Variants in VWF observed in about 807,000 individuals in gnomAD.
VWF encodes the protein Factor VIII related antigen.
Under a neutral mutation model 308.6 loss-of-function variants are expected in VWF, and 176 were observed. The observed-to-expected ratio is 0.57, with a 90% CI of 0.50 to 0.65. VWF has a LOEUF of 0.65. Among genes scored for constraint, VWF ranks in the 30% least tolerant of loss-of-function variants. The pLI, the probability that VWF is intolerant of heterozygous loss-of-function variation, is 0.00. For synonymous variants in VWF, 1,385 were observed against 1,443.4 expected (o/e 0.96, Z 0.92); for missense variants, 3,146 against 3,648.2 (o/e 0.86, Z 3.55).
At chr12:6,036,262 A>G in intron 19 of VWF, 126 bp downstream of exon 19, 1 of 783,120 alleles carries the variant, frequency 1.3e-6, no homozygotes, top group South Asian at 1.4e-5. Flanking sequence ...GGCACGGAGG[A>G]AAGGCAGAGA....
At chr12:6,012,283 C>CG (rs1944005736) in intron 32 of VWF, among the ~76,000 whole-genome samples, 153 bp from the exon 33 acceptor site, 1 of 152,258 alleles carries the variant, frequency 6.6e-6, no homozygotes, top group Non-Finnish European at 1.5e-5. Context: ...GACATAGGGA[C>CG]ATGAGGCTGA....
At chr12:5,964,457 A>C (rs1017544975) in intron 47 of VWF, among the ~76,000 whole-genome samples, 2 of 152,220 alleles carry the variant, frequency 1.3e-5, no homozygotes, top group Non-Finnish European at 2.9e-5. Context: ...GAATTTTTTA[A>C]AGAATCAATT....
chr12:6,038,544 G>A (rs1053305640), intron 18 of VWF, among the ~76,000 whole-genome samples: 8 of 152,234 alleles, frequency 5.3e-5, no homozygotes, highest in Non-Finnish European at 7.3e-5. Context: ...CTGTCACCCA[G>A]GTGTGGGTCT....
intron 6 of VWF, among the ~76,000 whole-genome samples, chr12:6,092,598 CTAGT>C (rs796796373): frequency 2.8e-4 from 18 of 65,096 alleles, no homozygotes; most frequent in Admixed American, 7.6e-4. Context: ...CCATGCCCAG[CTAGT>C]TAGTGAGTGA....
intron 34 of VWF, among the ~76,000 whole-genome samples, chr12:5,998,948 C>G (rs564539987): frequency 6.5e-4 from 99 of 152,268 alleles, no homozygotes; most frequent in South Asian, 4.8e-3. Flanking sequence ...AGGCTGGTCT[C>G]GAACTCCTGA....
At chr12:6,070,984 C>T (rs757324174) in intron 10 of VWF, among the ~76,000 whole-genome samples, 1 of 152,252 alleles carries the variant, frequency 6.6e-6, no homozygotes, top group Non-Finnish European at 1.5e-5. Flanking sequence ...TTTAGTCAAT[C>T]ATGACCATAC....
intron 32 of VWF, among the ~76,000 whole-genome samples, chr12:6,012,383 T>G (rs1456510299): frequency 6.6e-6 from 1 of 152,252 alleles, no homozygotes; most frequent in Non-Finnish European, 1.5e-5. Context: ...TAACTACAGC[T>G]TACGCTGTCA....
Position 5,985,055 on chromosome 12 carries a change from C to T in VWF, c.6966G>A (p.Glu2322=). Residue 2322 remains glutamate (E), a synonymous_variant, in exon 40 of 52, where the codon GAG becomes GAA. Transcript: ENST00000261405. ...TGGTGGGACACATACCACACTCATACTCGGGGCAGCACTGGTCTGCATTCT... is the reference window on the plus strand; with the variant it reads ...TGGTGGGACACATACCACACTCATATTCGGGGCAGCACTGGTCTGCATTCT... The part of the protein sequence containing the change: ...LRQNADQCCP[E]YECVCDPVSC... 1 of 1,614,192 alleles carries T rather than the reference C, an allele frequency of 6.2e-7. No individual in the cohort carries two copies. Among genetic ancestry groups the T allele is most frequent in the Non-Finnish European group, 8.5e-7 (1 of 1,180,022 alleles).
rs759362230 is a variant in VWF, at chr12:6,023,659, C to T, written c.3351G>A (p.Val1117=). Residue 1117 remains valine (V), a synonymous_variant, in exon 25 of 52, where the codon GTG becomes GTA. Transcript: ENST00000261405. The part of the protein sequence containing the change: ...YAHVCAQHGK[V]VTWRTATLCP... ...ACAATGTGGCCGTCCTCCAGGTCAC[C>T]ACCTTGCCATGCTGGGCACACACGT... The T allele has an allele frequency of 1.2e-6, 2 of 1,613,892 alleles. No homozygotes were observed. The highest frequency in any genetic ancestry group is 1.7e-6 in the Non-Finnish European group (2 of 1,180,022).
At chr12:6,032,157 G>A (rs1056218956) in intron 20 of VWF, among the ~76,000 whole-genome samples, 1 of 152,086 alleles carries the variant, frequency 6.6e-6, no homozygotes. Flanking sequence ...ACACATTCCT[G>A]GCAAATGCCT....
At chr12:6,120,945 A>G (rs1945424019) in intron 3 of VWF, among the ~76,000 whole-genome samples, 1 of 152,154 alleles carries the variant, frequency 6.6e-6, no homozygotes, top group Non-Finnish European at 1.5e-5. Flanking sequence ...GACACAGTGG[A>G]CTACCAAAGA....
chr12:6,002,246 ATAAAG>A (rs1311128308), intron 34 of VWF, among the ~76,000 whole-genome samples: 1 of 151,896 alleles, frequency 6.6e-6, no homozygotes, highest in Non-Finnish European at 1.5e-5. Context: ...GCAGAAATCC[ATAAAG>A]TAGAGAATAT....
chr12:5,985,754 CA>C, intron 38 of VWF, 89 bp from the exon 39 acceptor site: 1 of 1,246,390 alleles, frequency 8.0e-7, no homozygotes, highest in Non-Finnish European at 1.1e-6. Context: ...CTGCCTCCGG[CA>C]AGGGCCAGTC....
intron 5 of VWF, among the ~76,000 whole-genome samples, chr12:6,100,855 C>T (rs1314935814): frequency 1.3e-5 from 2 of 152,062 alleles, no homozygotes; most frequent in African/African-American, 2.4e-5. Flanking sequence ...AACTAACCTG[C>T]ACATTGTGCA....
At chr12:6,098,949 C>G (rs1267519121) in intron 5 of VWF, among the ~76,000 whole-genome samples, 1 of 151,890 alleles carries the variant, frequency 6.6e-6, no homozygotes, top group Non-Finnish European at 1.5e-5. Flanking sequence ...GATCCTGAGA[C>G]CCCCATTGTG....
intron 42 of VWF, among the ~76,000 whole-genome samples, chr12:5,981,360 C>T (rs1171708628): frequency 6.6e-6 from 1 of 152,236 alleles, no homozygotes; most frequent in African/African-American, 2.4e-5. Context: ...AAGACCTCAT[C>T]TCAACATGTA....
Position 6,071,283 on chromosome 12 carries a change from G to A in VWF, c.1156+14C>T, listed in dbSNP as rs770359993. 22 of 1,613,860 alleles carry A rather than the reference G, an allele frequency of 1.4e-5. No homozygotes were observed. Among genetic ancestry groups the A allele is most frequent in the Middle Eastern group, 1.6e-4 (1 of 6,084 alleles). On this transcript the variant is annotated intron_variant, in intron 10 of 51. Transcript: ENST00000261405. The stretch of plus-strand genomic sequence containing the variant: ...TCAGGGAAGGAGGAAGAGAATGAGC[G>A]GCAGGTCGCCTACCTGGACATTCTT...
At chr12:6,088,339 C>T (rs1394025603) in intron 6 of VWF, among the ~76,000 whole-genome samples, 1 of 152,010 alleles carries the variant, frequency 6.6e-6, no homozygotes, top group African/African-American at 2.4e-5. Context: ...ATTAACTGGG[C>T]GTGGTGACAG....
At chr12:5,972,801 A>G (rs1348679622) in intron 43 of VWF, among the ~76,000 whole-genome samples, 3 of 152,194 alleles carry the variant, frequency 2.0e-5, no homozygotes, top group East Asian at 1.9e-4. Flanking sequence ...GGATGCCTCA[A>G]TCTGTGTACA....
Sources: allele counts gnomAD v4.1 joint callset (sites outside exome capture counted in the v4.1 genomes callset), GRCh38; gene constraint gnomAD v4.1.1; transcripts MANE v1.5; gene names NCBI Gene and HGNC (gene_info 2026-07-23, HGNC 2026-07-21).